CARMIL1: variants seen among roughly 807,000 people sequenced by gnomAD.
The protein encoded by CARMIL1 is F-actin-uncapping protein LRRC16A.
A neutral mutation model predicts 177.1 loss-of-function variants in CARMIL1; 90 were observed. The observed-to-expected ratio is 0.51, with a 90% confidence interval of 0.43 to 0.61. The LOEUF is 0.61. Among genes scored for constraint, CARMIL1 ranks in the 20% least tolerant of loss-of-function variants. The pLI is 0.00. For missense variants in CARMIL1, 1,380 were observed against 1,667.0 expected (o/e 0.83, Z 3.00); for synonymous variants, 577 against 606.2 (o/e 0.95, Z 0.71).
chr6:25,284,371 A>C (rs970834545), intron 1 of CARMIL1, among the ~76,000 whole-genome samples: 2 of 152,204 alleles, frequency 1.3e-5, no homozygotes, highest in Non-Finnish European at 2.9e-5. Context: ...GGTGTTTATT[A>C]AATACTTGAT....
chr6:25,471,271 T>G lies in CARMIL1; in HGVS notation c.779+14T>G. The G allele has an allele frequency of 6.4e-7, 1 of 1,573,728 alleles. No homozygotes were observed. The highest frequency in any genetic ancestry group is 1.1e-5 in the South Asian group (1 of 88,652). On this transcript the variant is annotated intron_variant, in intron 10 of 36. Transcript: ENST00000329474. ...TGGACTTAGAACGTGAGTATTTTCC[T>G]GAATATATAAATATGTTGCTTTAAA... is the stretch of plus-strand genomic sequence containing the variant.
chr6:25,357,876 C>T (rs970532784), intron 2 of CARMIL1, among the ~76,000 whole-genome samples: 1 of 152,150 alleles, frequency 6.6e-6, no homozygotes, highest in Non-Finnish European at 1.5e-5. Flanking sequence ...ACATTACTTT[C>T]AGTTGCATTT....
intron 2 of CARMIL1, among the ~76,000 whole-genome samples, chr6:25,357,832 A>T (rs560439939): frequency 6.6e-6 from 1 of 152,350 alleles, no homozygotes; most frequent in East Asian, 1.9e-4. Flanking sequence ...TTCAACTTTA[A>T]TCAATAAGGT....
intron 2 of CARMIL1, among the ~76,000 whole-genome samples, chr6:25,355,296 TTCC>T (rs1788487336): frequency 6.6e-6 from 1 of 152,154 alleles, no homozygotes; most frequent in Admixed American, 6.5e-5. Flanking sequence ...GAATACTACT[TTCC>T]TCCTGATTAC....
chr6:25,589,259 A>G (rs958011044), intron 31 of CARMIL1, among the ~76,000 whole-genome samples: 3 of 152,194 alleles, frequency 2.0e-5, no homozygotes, highest in African/African-American at 4.8e-5. Flanking sequence ...GAACTTAGCC[A>G]TCTTGTTTCA....
chr6:25,300,640 CTT>C (rs1433449871), intron 2 of CARMIL1, among the ~76,000 whole-genome samples: 1 of 152,216 alleles, frequency 6.6e-6, no homozygotes, highest in East Asian at 1.9e-4. Flanking sequence ...CAGAGTGAAA[CTT>C]TTCCTCAAAA....
At chr6:25,491,917 TGAAAA>T (rs781437536) in intron 14 of CARMIL1, 26 bp from the exon 15 acceptor site, 7 of 1,602,028 alleles carry the variant, frequency 4.4e-6, no homozygotes, top group South Asian at 2.2e-5. Context: ...TAGAAATACT[TGAAAA>T]GAAGAGTGCC....
Position 25,279,820 on chromosome 6 carries a change from C to T in CARMIL1, c.25C>T (p.Pro9Ser). The T allele has an allele frequency of 6.2e-7, 1 of 1,614,008 alleles. No individual in the cohort carries two copies. Among genetic ancestry groups the T allele is most frequent in the Non-Finnish European group, 8.5e-7 (1 of 1,179,884 alleles). The change falls in exon 1 of 37, where the codon CCC (proline) becomes TCC (serine). Residue 9 changes from proline to serine, a missense_variant. Pro to Ser is a moderately conservative substitution (Grantham distance 74). Coordinates refer to ENST00000329474, the MANE Select transcript of CARMIL1 (RefSeq NM_017640.6). Reference sequence around the variant, plus strand: ...CATGACCGAGGAGAGCTCTGACGTTCCCAGGGAGTTGATAGGTAAGATTCA... The same window carrying T: ...CATGACCGAGGAGAGCTCTGACGTTTCCAGGGAGTTGATAGGTAAGATTCA... MTEESSDV[P>S]RELIESIKDV...
intron 2 of CARMIL1, among the ~76,000 whole-genome samples, chr6:25,370,782 AT>A (rs1352768023): frequency 6.6e-6 from 1 of 152,118 alleles, no homozygotes; most frequent in East Asian, 1.9e-4. Context: ...TAAAATTTCA[AT>A]AGCTTTTGAG....
chr6:25,466,691 C>T (rs1417667488), intron 9 of CARMIL1, among the ~76,000 whole-genome samples: 1 of 152,136 alleles, frequency 6.6e-6, no homozygotes, highest in African/African-American at 2.4e-5. Context: ...GTGAATACAT[C>T]AGACTTGGAA....
At chr6:25,325,519 T>C (rs1322499335) in intron 2 of CARMIL1, among the ~76,000 whole-genome samples, 1 of 152,230 alleles carries the variant, frequency 6.6e-6, no homozygotes, top group Non-Finnish European at 1.5e-5. Flanking sequence ...TTGACTTGTT[T>C]GGAAGATAAT....
chr6:25,584,033 T>TC (rs1042535074), intron 31 of CARMIL1, among the ~76,000 whole-genome samples: 19 of 146,388 alleles, frequency 1.3e-4, no homozygotes, highest in Non-Finnish European at 2.3e-4. Flanking sequence ...TTTCTTTTTT[T>TC]TTTTTTTTTT....
chr6:25,567,784 T>A (rs1421797752), intron 29 of CARMIL1, among the ~76,000 whole-genome samples: 1 of 152,218 alleles, frequency 6.6e-6, no homozygotes, highest in South Asian at 2.1e-4. Context: ...TCACAGTAGA[T>A]AAATTAAGTG....
At chr6:25,449,330 A>G (rs1352168215) in intron 5 of CARMIL1, among the ~76,000 whole-genome samples, 1 of 151,806 alleles carries the variant, frequency 6.6e-6, no homozygotes, top group East Asian at 1.9e-4. Context: ...TTTAACCACT[A>G]CTCTGTCTTG....
At chr6:25,604,436 A>G (rs934917774) in intron 33 of CARMIL1, among the ~76,000 whole-genome samples, 1 of 152,188 alleles carries the variant, frequency 6.6e-6, no homozygotes, top group African/African-American at 2.4e-5. Context: ...CATTTCTAGC[A>G]TGCAAGGGCC....
chr6:25,542,860 A>G (rs1229698335), intron 26 of CARMIL1, among the ~76,000 whole-genome samples: 2 of 152,112 alleles, frequency 1.3e-5, no homozygotes, highest in East Asian at 3.8e-4. Context: ...TGTAGGGAAA[A>G]TGTATTTTTA....
At chr6:25,593,010 C>G (rs1445115399) in intron 31 of CARMIL1, among the ~76,000 whole-genome samples, 1 of 152,206 alleles carries the variant, frequency 6.6e-6, no homozygotes, top group Non-Finnish European at 1.5e-5. Flanking sequence ...TTCTCACCAG[C>G]CTCTCTCATA....
Position 25,474,630 on chromosome 6 carries a change from A to G in CARMIL1, c.874+2109A>G, listed in dbSNP as rs377512759. On this transcript the variant is annotated intron_variant, in intron 11 of 36. Coordinates refer to ENST00000329474, the MANE Select transcript of CARMIL1 (RefSeq NM_017640.6). ...ATCACGCAAAAAGTACCCTCATAGA[A>G]TAAGCCAAAGCTGAAATTAATGGAC... 1.4e-4 allele frequency among the ~76,000 whole-genome samples: 22 copies of G among 152,332 alleles called. No individual in the cohort carries two copies. In the East Asian group the frequency reaches 4.2e-3, roughly 29 times the overall value.
chr6:25,564,251 T>C (rs952692111), intron 29 of CARMIL1, among the ~76,000 whole-genome samples: 2 of 152,194 alleles, frequency 1.3e-5, no homozygotes, highest in African/African-American at 4.8e-5. Flanking sequence ...ATGATCTTAT[T>C]ATTTCTCCAC....
Sources: gnomAD v4.1 joint callset for allele counts (sites outside exome capture counted in the v4.1 genomes callset) on GRCh38, gnomAD v4.1.1 for gene constraint, MANE v1.5 for transcripts, NCBI Gene and HGNC (gene_info 2026-07-23, HGNC 2026-07-21) for gene names.